ROR1: variants seen among roughly 807,000 people sequenced by gnomAD.
The protein encoded by ROR1 is inactive tyrosine-protein kinase transmembrane receptor ROR1.
In ROR1, 19 loss-of-function variants were observed where a neutral mutation model predicts 78.8. The observed-to-expected ratio is 0.24, with a 90% CI of 0.17 to 0.35. The LOEUF is 0.35. ROR1 is among the 10% of genes least tolerant of loss of function. ROR1 has a pLI of 1.00. For missense variants in ROR1, 917 were observed against 1,177.8 expected (o/e 0.78, Z 3.24); for synonymous variants, 386 against 433.6 (o/e 0.89, Z 1.36).
intron 1 of ROR1, among the ~76,000 whole-genome samples, chr1:63,868,349 G>T (rs1645229915): frequency 6.6e-6 from 1 of 152,102 alleles, no homozygotes; most frequent in Non-Finnish European, 1.5e-5. Flanking sequence ...GAATGAGTCG[G>T]GTCCTCAAGG....
intron 4 of ROR1, among the ~76,000 whole-genome samples, chr1:64,133,796 A>T (rs1244870239): frequency 2.0e-5 from 3 of 152,198 alleles, no homozygotes; most frequent in African/African-American, 4.8e-5. Context: ...CACTTGCTTC[A>T]TGTTTTTAAT....
At chr1:63,833,775 C>T (rs577327694) in intron 1 of ROR1, among the ~76,000 whole-genome samples, 6 of 151,850 alleles carry the variant, frequency 4.0e-5, no homozygotes, top group Non-Finnish European at 5.9e-5. Flanking sequence ...CTTCTGCTTG[C>T]CTGCTTGCGT....
chr1:64,065,248 A>G (rs1646947011), intron 4 of ROR1, among the ~76,000 whole-genome samples: 1 of 152,214 alleles, frequency 6.6e-6, no homozygotes. Flanking sequence ...AGACTCAGCA[A>G]AGGATGAAGC....
chr1:64,024,412 C>T (rs1208067474), intron 2 of ROR1, among the ~76,000 whole-genome samples: 7 of 152,010 alleles, frequency 4.6e-5, no homozygotes, highest in African/African-American at 1.7e-4. Flanking sequence ...ACCTGGGAGA[C>T]GGAGGTTGCA....
At chr1:63,901,777 T>TGGAGGG (rs1471786770) in intron 1 of ROR1, among the ~76,000 whole-genome samples, 2 of 152,178 alleles carry the variant, frequency 1.3e-5, no homozygotes, top group Admixed American at 6.5e-5. Flanking sequence ...TTCTATCATA[T>TGGAGGG]ATTAATGAAT....
intron 1 of ROR1, among the ~76,000 whole-genome samples, chr1:63,948,093 C>T (rs747963509): frequency 6.6e-6 from 1 of 152,138 alleles, no homozygotes; most frequent in Non-Finnish European, 1.5e-5. Flanking sequence ...CAAGGTCACA[C>T]AGGTAGTAAG....
At chr1:63,978,166 A>G (rs1646176991) in intron 1 of ROR1, among the ~76,000 whole-genome samples, 1 of 152,204 alleles carries the variant, frequency 6.6e-6, no homozygotes, top group Non-Finnish European at 1.5e-5. Context: ...TTAATCTCAA[A>G]TGACCTCTTT....
chr1:64,120,244 G>A (rs1408508786), intron 4 of ROR1, among the ~76,000 whole-genome samples: 3 of 152,080 alleles, frequency 2.0e-5, no homozygotes, highest in African/African-American at 7.2e-5. Context: ...AGTTGGGGGA[G>A]GCCTAGGGAG....
intron 1 of ROR1, among the ~76,000 whole-genome samples, chr1:63,801,727 G>A (rs898714712): frequency 2.6e-5 from 4 of 152,110 alleles, no homozygotes; most frequent in African/African-American, 9.7e-5. Context: ...TAATGAAAAA[G>A]GTTAGTTAAA....
intron 4 of ROR1, among the ~76,000 whole-genome samples, chr1:64,107,423 C>T (rs890410925): frequency 2.6e-5 from 4 of 152,156 alleles, no homozygotes; most frequent in Non-Finnish European, 4.4e-5. Context: ...GATTAAAAAG[C>T]TTTATGTGCT....
intron 1 of ROR1, among the ~76,000 whole-genome samples, chr1:63,796,187 G>C (rs1160645954): frequency 6.6e-6 from 1 of 152,040 alleles, no homozygotes; most frequent in Non-Finnish European, 1.5e-5. Flanking sequence ...GATGACATCA[G>C]GGCATAGCAG....
chr1:64,031,303 T>C (rs187143004), intron 2 of ROR1, among the ~76,000 whole-genome samples: 7 of 152,314 alleles, frequency 4.6e-5, no homozygotes, highest in African/African-American at 7.2e-5. Context: ...AAGAAAATGG[T>C]AATATGCATG....
chr1:63,831,840 C>T (rs770068246), intron 1 of ROR1, among the ~76,000 whole-genome samples: 17 of 152,216 alleles, frequency 1.1e-4, no homozygotes, highest in Non-Finnish European at 1.9e-4. Context: ...ACTCTGCTTC[C>T]CTTTTAAACA....
At chr1:63,928,304 T>G (rs1413640087) in intron 1 of ROR1, among the ~76,000 whole-genome samples, 1 of 152,140 alleles carries the variant, frequency 6.6e-6, no homozygotes, top group Non-Finnish European at 1.5e-5. Context: ...TTTGCAGCAG[T>G]CTGGGTGGTT....
At chr1:64,171,342 C>T in intron 8 of ROR1, 1 of 152,730 alleles carries the variant, frequency 6.5e-6, no homozygotes, top group Admixed American at 6.5e-5. Context: ...CATCAGATCT[C>T]ATGAGACTTA....
At chr1:64,137,205 A>G (rs182339636) in intron 4 of ROR1, among the ~76,000 whole-genome samples, 164 bp from the exon 5 acceptor site, 1 of 152,204 alleles carries the variant, frequency 6.6e-6, no homozygotes, top group Admixed American at 6.5e-5. Flanking sequence ...TGACCAACAG[A>G]TGTTTTAAGA....
rs1300185078 is a variant in ROR1 at position 64,145,159 on chromosome 1, A to G, written c.1174+2509A>G. Among the ~76,000 whole-genome samples, 3 of 152,210 alleles carry G rather than the reference A, an allele frequency of 2.0e-5. No individual in the cohort carries two copies. The East Asian group carries it at 5.8e-4, about 29-fold the overall frequency. On this transcript the variant is annotated intron_variant, in intron 7 of 8. Transcript: ENST00000371079. ...AATAAATGCTTGCTCTCAGCTCAGC[A>G]AATATTGTTTGAGAGCCCACCATGG...
Position 63,778,961 on chromosome 1 carries a change from T to TTCC in ROR1, c.91+4453_91+4454insTCC, listed in dbSNP as rs1644634285. ...ACAAAGGTGGTATTTCCCAAGGTTTTCCAACAGCAGCAAAGGGAAGCTTGC... is the reference window on the plus strand; with the variant it reads ...ACAAAGGTGGTATTTCCCAAGGTTTTTCCCCAACAGCAGCAAAGGGAAGCTTGC... On this transcript the variant is annotated intron_variant, in intron 1 of 8. Coordinates refer to ENST00000371079, the MANE Select transcript of ROR1 (RefSeq NM_005012.4). 2.0e-5 allele frequency among the ~76,000 whole-genome samples: 3 copies of TTCC among 152,226 alleles called. No homozygotes were observed. The South Asian group carries it at 6.2e-4, about 31-fold the overall frequency.
At chr1:63,854,027 C>T (rs1645132835) in intron 1 of ROR1, among the ~76,000 whole-genome samples, 1 of 152,142 alleles carries the variant, frequency 6.6e-6, no homozygotes, top group Non-Finnish European at 1.5e-5. Flanking sequence ...TCAGTGGGCC[C>T]ATCTGTAGAA....
Sources: allele counts gnomAD v4.1 joint callset (sites outside exome capture counted in the v4.1 genomes callset), GRCh38; gene constraint gnomAD v4.1.1; transcripts MANE v1.5; gene names NCBI Gene and HGNC (gene_info 2026-07-23, HGNC 2026-07-21).